Variants in ITPK1 observed in about 807,000 individuals in gnomAD.
ITPK1 encodes the protein inositol 1,3,4-trisphosphate 5/6-kinase.
ITPK1 carries 21 observed loss-of-function variants against 45.3 expected under a neutral mutation model. The ratio of observed to expected loss-of-function variants is 0.46; its 90% CI spans 0.33 to 0.67. The LOEUF (loss-of-function observed/expected upper bound fraction) is 0.67. ITPK1 is among the 30% of genes least tolerant of loss of function. ITPK1 has a pLI of 0.02. For synonymous variants in ITPK1, 258 were observed against 253.6 expected (o/e 1.02, Z -0.16); for missense variants, 474 against 573.5 (o/e 0.83, Z 1.77).
At chr14:93,019,184 C>T (rs1186083927) in intron 3 of ITPK1, among the ~76,000 whole-genome samples, 3 of 152,204 alleles carry the variant, frequency 2.0e-5, no homozygotes, top group Non-Finnish European at 4.4e-5. Flanking sequence ...CAGGGGGAGC[C>T]GGGCCACAGG....
chr14:93,071,467 A>C (rs1891000229), intron 3 of ITPK1: 1 of 152,232 alleles, frequency 6.6e-6, no homozygotes, highest in Non-Finnish European at 1.5e-5. Flanking sequence ...AATGTTTAAA[A>C]CTACATATCT....
chr14:92,990,794 C>G (rs1047070064), intron 5 of ITPK1, among the ~76,000 whole-genome samples: 2 of 152,304 alleles, frequency 1.3e-5, no homozygotes, highest in South Asian at 2.1e-4. Flanking sequence ...AGACCCTTAT[C>G]CAAGGGCTCT....
chr14:93,093,040 C>T (rs764355642), intron 2 of ITPK1, among the ~76,000 whole-genome samples: 2 of 152,206 alleles, frequency 1.3e-5, no homozygotes, highest in Admixed American at 1.3e-4. Context: ...AATGACGCCC[C>T]CAGCTCTCCA....
At chr14:93,093,502 TC>T (rs1264298897) in intron 2 of ITPK1, among the ~76,000 whole-genome samples, 1 of 151,770 alleles carries the variant, frequency 6.6e-6, no homozygotes. Flanking sequence ...AGTCCTTTCT[TC>T]CCCCCTCAGC....
intron 5 of ITPK1, among the ~76,000 whole-genome samples, chr14:92,991,176 G>A (rs1053441083): frequency 2.0e-5 from 3 of 152,144 alleles, no homozygotes; most frequent in African/African-American, 4.8e-5. Context: ...GTGCCTCCAG[G>A]AACAGCAGGC....
chr14:93,060,189 G>A (rs895235684), intron 3 of ITPK1, among the ~76,000 whole-genome samples: 10 of 152,102 alleles, frequency 6.6e-5, no homozygotes, highest in Admixed American at 1.3e-4. Flanking sequence ...CTTACCTGCG[G>A]CCCAAGAAGC....
intron 5 of ITPK1, among the ~76,000 whole-genome samples, chr14:92,973,889 C>T (rs906094574): frequency 3.9e-5 from 6 of 152,338 alleles, no homozygotes; most frequent in African/African-American, 1.4e-4. Flanking sequence ...CTCACCACCA[C>T]AGCACAAGGT....
At chr14:93,107,507 A>G (rs917213993) in intron 2 of ITPK1, among the ~76,000 whole-genome samples, 1 of 152,196 alleles carries the variant, frequency 6.6e-6, no homozygotes, top group Non-Finnish European at 1.5e-5. Context: ...GCTGTCTGGG[A>G]GGGCCTTTGG....
chr14:93,075,648 T>C (rs1459593096), intron 3 of ITPK1, among the ~76,000 whole-genome samples: 2 of 152,188 alleles, frequency 1.3e-5, no homozygotes, highest in African/African-American at 2.4e-5. Flanking sequence ...TGCTCTCCTA[T>C]GACCGCTGAG....
chr14:93,109,255 C>G (rs972635789), intron 2 of ITPK1, among the ~76,000 whole-genome samples: 1 of 152,218 alleles, frequency 6.6e-6, no homozygotes, highest in Admixed American at 6.5e-5. Flanking sequence ...TGTGGAGTTT[C>G]TCCAAGACAC....
chr14:93,107,701 CGCTCCACG>C (rs1475063391), intron 2 of ITPK1, among the ~76,000 whole-genome samples: 2 of 152,142 alleles, frequency 1.3e-5, no homozygotes, highest in Non-Finnish European at 2.9e-5. Flanking sequence ...TGATTCTTGA[CGCTCCACG>C]GCTCCACGGG....
chr14:93,113,703 T>C (rs996971683), intron 2 of ITPK1, among the ~76,000 whole-genome samples: 4 of 152,204 alleles, frequency 2.6e-5, no homozygotes, highest in Admixed American at 2.6e-4. Flanking sequence ...GAGCTCCTCC[T>C]GATTTCTTCA....
intron 2 of ITPK1, among the ~76,000 whole-genome samples, chr14:93,099,681 G>A (rs549540878): frequency 7.2e-5 from 11 of 152,272 alleles, no homozygotes; most frequent in South Asian, 4.1e-4. Context: ...AAGCCGCTTC[G>A]GGGCTGCCCA....
chr14:93,057,945 A>C (rs1044273241), intron 3 of ITPK1, among the ~76,000 whole-genome samples: 1 of 152,190 alleles, frequency 6.6e-6, no homozygotes, highest in African/African-American at 2.4e-5. Context: ...GGAGAAACCC[A>C]TCAGCTCGGC....
At chr14:93,040,134 A>G (rs1324884933) in intron 3 of ITPK1, among the ~76,000 whole-genome samples, 1 of 152,222 alleles carries the variant, frequency 6.6e-6, no homozygotes, top group Non-Finnish European at 1.5e-5. Flanking sequence ...TTAAAACCGC[A>G]TATCCACACG....
At chr14:92,996,488 G>A (rs1047185219) in intron 4 of ITPK1, among the ~76,000 whole-genome samples, 4 of 151,618 alleles carry the variant, frequency 2.6e-5, no homozygotes, top group Admixed American at 2.6e-4. Context: ...TGTAAATGAC[G>A]AGTTAACGGA....
At chr14:93,007,156 C>T (rs1887656312) in intron 4 of ITPK1, among the ~76,000 whole-genome samples, 1 of 152,226 alleles carries the variant, frequency 6.6e-6, no homozygotes, top group South Asian at 2.1e-4. Flanking sequence ...CCCAAGGTCA[C>T]ACGGAGCTGG....
chr14:92,973,303 G>A (rs1885751124), intron 5 of ITPK1, among the ~76,000 whole-genome samples: 1 of 152,228 alleles, frequency 6.6e-6, no homozygotes, highest in Admixed American at 6.5e-5. Flanking sequence ...ATAAGTTGAT[G>A]GATGGGATAA....
At chr14:92,971,379 C>T (rs58343063) in intron 5 of ITPK1, among the ~76,000 whole-genome samples, 3,807 of 152,338 alleles carry the variant, frequency 0.025, 173 homozygotes, top group African/African-American at 0.087. Flanking sequence ...CAGAGGGCTA[C>T]TACCCCTCCC....
Sources: allele counts gnomAD v4.1 joint callset (sites outside exome capture counted in the v4.1 genomes callset), GRCh38; gene constraint gnomAD v4.1.1; transcripts MANE v1.5; gene names NCBI Gene and HGNC (gene_info 2026-07-23, HGNC 2026-07-21).